PCDHGA10: variants seen among roughly 807,000 people sequenced by gnomAD.
PCDHGA10 encodes protocadherin gamma subfamily A, 10, also known as protocadherin gamma-A10.
A neutral mutation model predicts 59.5 loss-of-function variants in PCDHGA10; 42 were observed. The ratio of observed to expected loss-of-function variants is 0.71; its 90% CI spans 0.55 to 0.91. The LOEUF (loss-of-function observed/expected upper bound fraction) is 0.91, where lower values mean the gene tolerates loss of function less well. Ranked by LOEUF, PCDHGA10 falls within the 40% of genes least tolerant of loss-of-function variation. The pLI is 0.00. For missense variants in PCDHGA10, 1,111 were observed against 1,198.2 expected, an observed-to-expected ratio of 0.93 and a Z score of 1.07; for synonymous variants, 511 against 517.2, an observed-to-expected ratio of 0.99 and a Z score of 0.16.
In PCDHGA10 at chr5:141,511,460, A is replaced by ACCC. The variant is rs1367357803; in HGVS notation, c.*289_*291dup. The ACCC allele has an allele frequency of 2.4e-4, 137 of 564,806 alleles. 1 individual carries two copies. In the Middle Eastern group the frequency reaches 2.7e-3, roughly 11 times the overall value. The allele number at this position is 564,806 out of a possible 1,614,324, so 35.0% of individuals were successfully genotyped here. A position where few individuals can be genotyped will look rare whatever the true frequency, so the allele number is the denominator to read the frequency against. ...GTAGACACCAAGAACCATTTGCCAC[A>ACCC]CCCCGTTTAGTTACAGCTGAACTCC... On this transcript the variant is annotated 3_prime_UTR_variant, in exon 4 of 4. Transcript: ENST00000398610.
rs1298454674 is a variant in PCDHGA10, at chr5:141,438,625, TATATATATATAC to T, written c.2436+23016_2436+23027del. 7.7e-3 allele frequency among the ~76,000 whole-genome samples: 357 copies of T among 46,390 alleles called. 5 individuals are homozygous for T. The East Asian group carries it at 0.082, about 11-fold the overall frequency. 30.4% of individuals were successfully genotyped at this position (46,390 alleles called of 152,430 possible). A position where few individuals can be genotyped will look rare whatever the true frequency, so the allele number is the denominator to read the frequency against. On this transcript the variant is annotated intron_variant, in intron 1 of 3. Transcript: ENST00000398610. ...ATATATATATATATATATATATATATATATATATATACACACACACACACACATATATGTATA... is the reference window on the plus strand; with the variant it reads ...ATATATATATATATATATATATATATACACACACACACACATATATGTATA...
intron 1 of PCDHGA10, among the ~76,000 whole-genome samples, chr5:141,433,395 CTA>C (rs1426636882): frequency 1.1e-4 from 17 of 150,770 alleles, no homozygotes; most frequent in African/African-American, 4.1e-4. Flanking sequence ...ATCTATCTAT[CTA>C]TCTATCTATT....
At chr5:141,422,374 G>A (rs1268014814) in intron 1 of PCDHGA10, 1 of 1,570,452 alleles carries the variant, frequency 6.4e-7, no homozygotes, top group Non-Finnish European at 8.6e-7. Flanking sequence ...AAATGGTCAA[G>A]TCTCCTGTTT....
chr5:141,477,312 T>G lies in PCDHGA10; in HGVS notation c.2437-17495T>G. On this transcript the variant is annotated intron_variant, in intron 1 of 3. Coordinates refer to ENST00000398610, the MANE Select transcript of PCDHGA10 (RefSeq NM_018913.3). This position sits in a 1 kb window ranked among gnomAD's most constrained non-coding sequence, Gnocchi z 4.9. ...GTTCCACCGGGTCTCCCTTTCAGCC[T>G]TACTTCTTCCCTCAAGAATTACTTC... The G allele has an allele frequency of 1.2e-6, 2 of 1,614,162 alleles. No individual in the cohort carries two copies. The highest frequency in any genetic ancestry group is 1.7e-6 in the Non-Finnish European group (2 of 1,180,032).
rs375127524 is a variant in PCDHGA10, at chr5:141,490,702, C to G, written c.2437-4105C>G. ...AGATCCAGACACTGGGGATAATGCCCGCCTCACCTACTCCATTGTAGGAAA... is the reference window on the plus strand; with the variant it reads ...AGATCCAGACACTGGGGATAATGCCGGCCTCACCTACTCCATTGTAGGAAA... On this transcript the variant is annotated intron_variant, in intron 1 of 3. Coordinates refer to ENST00000398610, the MANE Select transcript of PCDHGA10 (RefSeq NM_018913.3). This position sits in a 1 kb window ranked among gnomAD's most constrained non-coding sequence, Gnocchi z 5.4. The G allele has an allele frequency of 1.2e-6, 2 of 1,614,060 alleles. No homozygotes were observed. Among genetic ancestry groups the G allele is most frequent in the Admixed American group, 1.7e-5 (1 of 60,008 alleles).
chr5:141,501,500 C>G (rs1385290676), intron 2 of PCDHGA10, among the ~76,000 whole-genome samples: 1 of 151,934 alleles, frequency 6.6e-6, no homozygotes, highest in Non-Finnish European at 1.5e-5. Context: ...GCTGCTGGGG[C>G]TCCAAGGCCT....
intron 1 of PCDHGA10, among the ~76,000 whole-genome samples, chr5:141,456,969 A>G (rs2098901241): frequency 1.4e-5 from 2 of 147,268 alleles, no homozygotes; most frequent in Non-Finnish European, 3.1e-5. Flanking sequence ...TCTCAAAACA[A>G]AACAAACAAA....
intron 2 of PCDHGA10, among the ~76,000 whole-genome samples, chr5:141,496,040 AT>A (rs2099765531): frequency 1.3e-5 from 2 of 150,356 alleles, no homozygotes; most frequent in Admixed American, 6.6e-5. Flanking sequence ...TCTGTCTCTC[AT>A]TTTTTTGTGC....
intron 1 of PCDHGA10, among the ~76,000 whole-genome samples, chr5:141,465,040 C>T (rs1396261200): frequency 6.6e-6 from 1 of 151,842 alleles, no homozygotes; most frequent in Non-Finnish European, 1.5e-5. Context: ...CCACAAATGA[C>T]CCTATATATT....
At position 141,419,770 on chromosome 5, in the gene PCDHGA10, G is replaced by A. The variant is rs1018272442; in HGVS notation, c.2436+4159G>A. On this transcript the variant is annotated intron_variant, in intron 1 of 3. Coordinates refer to ENST00000398610, the MANE Select transcript of PCDHGA10 (RefSeq NM_018913.3). ...TGCGTGCTTTGGGTGACAAGGACTC[G>A]GTCCGCCAGCGCCTGCTAGTCGCTG... 3.7e-6 allele frequency: 6 copies of A among 1,614,006 alleles called. No individual in the cohort carries two copies. The Admixed American group carries it at 6.7e-5, about 18-fold the overall frequency.
At position 141,476,395 on chromosome 5, in the gene PCDHGA10, T is replaced by C. The variant is rs545562470; in HGVS notation, c.2437-18412T>C. 4 of 1,614,020 alleles carry C rather than the reference T, an allele frequency of 2.5e-6. 1 individual carries two copies. In the South Asian group the frequency reaches 4.4e-5, roughly 18 times the overall value. On this transcript the variant is annotated intron_variant, in intron 1 of 3. Transcript: ENST00000398610. This position sits in a 1 kb window ranked among gnomAD's most constrained non-coding sequence, Gnocchi z 7.6. ...AGATGTTTGTGAACGACCGTCTGGATCGAGAGGAGCTGTGTGGGACACTGC... is the reference window on the plus strand; with the variant it reads ...AGATGTTTGTGAACGACCGTCTGGACCGAGAGGAGCTGTGTGGGACACTGC...
In PCDHGA10 at chr5:141,415,252, C is replaced by T. The variant is rs895920596; in HGVS notation, c.2077C>T (p.Leu693Phe). 5 of 1,614,098 alleles carry T rather than the reference C, an allele frequency of 3.1e-6. No homozygotes were observed. The highest frequency in any genetic ancestry group is 4.2e-6 in the Non-Finnish European group (5 of 1,180,046). ...TCCAGCTAACTCTGAAACCTCAGAC[C>T]TCACTCTGTACCTGGTGGTAGCGGT... Reference protein sequence around the residue: ...ESPANSETSDLTLYLVVAVAA... With the variant: ...ESPANSETSDFTLYLVVAVAA... The change falls in exon 1 of 4, where the codon CTC becomes TTC. Residue 693 changes from leucine to phenylalanine, a missense_variant. Leu to Phe is a conservative substitution (Grantham distance 22, BLOSUM62 0). Transcript: ENST00000398610.
At chr5:141,501,987 G>A (rs1462571527) in intron 2 of PCDHGA10, among the ~76,000 whole-genome samples, 2 of 152,016 alleles carry the variant, frequency 1.3e-5, no homozygotes, top group Non-Finnish European at 2.9e-5. Flanking sequence ...TGGTCCCGTT[G>A]TCTCCCTGAC....
intron 1 of PCDHGA10, among the ~76,000 whole-genome samples, chr5:141,483,203 A>T (rs940487337): frequency 1.3e-5 from 2 of 152,204 alleles, no homozygotes; most frequent in African/African-American, 2.4e-5. Flanking sequence ...ATTTTATTCC[A>T]TATAGATGAC....
At chr5:141,427,276 T>G (rs1281222927) in intron 1 of PCDHGA10, 1 of 456,754 alleles carries the variant, frequency 2.2e-6, no homozygotes, top group Non-Finnish European at 4.4e-6. Context: ...GAATGTAAAA[T>G]TATACTAGAA....
At chr5:141,421,564 G>C in intron 1 of PCDHGA10, 1 of 1,613,982 alleles carries the variant, frequency 6.2e-7, no homozygotes, top group Non-Finnish European at 8.5e-7. Context: ...TCTCGTGGAA[G>C]ACACCTTGAA....
intron 1 of PCDHGA10, among the ~76,000 whole-genome samples, chr5:141,483,164 T>C (rs1051456583): frequency 1.1e-4 from 17 of 152,148 alleles, no homozygotes; most frequent in Non-Finnish European, 2.5e-4. Context: ...AGATCCTGAG[T>C]TACCTTTGGG....
chr5:141,421,092 C>T, intron 1 of PCDHGA10: 1 of 663,988 alleles, frequency 1.5e-6, no homozygotes, highest in Non-Finnish European at 2.5e-6. Flanking sequence ...CAGATCCTGA[C>T]ACTGGAGACT....
Position 141,432,593 on chromosome 5 carries a change from A to G in PCDHGA10, c.2436+16982A>G, listed in dbSNP as rs2097518945. ...GCTGTCCTACCGTCTGCTCAAGGCC[A>G]GCGAGCCGGGACTCTTCTCGGTGGG... On this transcript the variant is annotated intron_variant, in intron 1 of 3. Transcript: ENST00000398610. The surrounding 1 kb of genome is among the most constrained non-coding windows in gnomAD (Gnocchi z 6.0). 6.2e-7 allele frequency: 1 copy of G among 1,612,958 alleles called. No individual in the cohort carries two copies. Among genetic ancestry groups the G allele is most frequent in the Non-Finnish European group, 8.5e-7 (1 of 1,179,834 alleles).
Sources: allele counts gnomAD v4.1 joint callset (sites outside exome capture counted in the v4.1 genomes callset), GRCh38; gene constraint gnomAD v4.1.1; non-coding constraint Gnocchi (gnomAD v3.1); transcripts MANE v1.5; gene names NCBI Gene and HGNC (gene_info 2026-07-23, HGNC 2026-07-21).